Variants in ZNF423 observed in about 807,000 individuals in gnomAD.
ZNF423 encodes the protein Ebf-associated zinc finger protein.
In ZNF423, 12 loss-of-function variants were observed where a neutral mutation model predicts 95.8. The ratio of observed to expected loss-of-function variants is 0.13; its 90% CI spans 0.08 to 0.20. The LOEUF is 0.20. Ranked by LOEUF, ZNF423 falls within the 10% of genes least tolerant of loss-of-function variation. The pLI is 1.00. For missense variants in ZNF423, 1,316 were observed against 1,737.1 expected (o/e 0.76, Z 4.31); for synonymous variants, 749 against 711.9 (o/e 1.05, Z -0.83).
At chr16:49,738,824 C>T (rs1032482491) in intron 2 of ZNF423, among the ~76,000 whole-genome samples, 7 of 152,138 alleles carry the variant, frequency 4.6e-5, no homozygotes, top group African/African-American at 1.7e-4. Flanking sequence ...GACCATACCA[C>T]CCACCCCTGC....
At chr16:49,648,978 T>C (rs962275283) in intron 3 of ZNF423, among the ~76,000 whole-genome samples, 1 of 152,086 alleles carries the variant, frequency 6.6e-6, no homozygotes, top group Non-Finnish European at 1.5e-5. Flanking sequence ...AAAATACCCA[T>C]GACATACACA....
chr16:49,783,478 A>G (rs1419227668), intron 2 of ZNF423, among the ~76,000 whole-genome samples: 6 of 36,004 alleles, frequency 1.7e-4, no homozygotes, highest in East Asian at 8.8e-4. Flanking sequence ...TTAGGGTTAG[A>G]GTAGGGTTAG....
intron 2 of ZNF423, among the ~76,000 whole-genome samples, chr16:49,757,050 GT>G (rs1319370376): frequency 3.9e-5 from 6 of 152,200 alleles, no homozygotes; most frequent in African/African-American, 1.4e-4. Flanking sequence ...CTGTGCAAGT[GT>G]TTTTGTTTTT....
chr16:49,725,288 G>A (rs7404627), intron 3 of ZNF423, among the ~76,000 whole-genome samples: 96,164 of 152,002 alleles, frequency 0.63, 30,889 homozygotes, highest in Non-Finnish European at 0.67. Flanking sequence ...AGGCTGAGGC[G>A]GGAGGATCGC....
At chr16:49,586,210 G>A (rs944200298) in intron 5 of ZNF423, among the ~76,000 whole-genome samples, 1 of 152,030 alleles carries the variant, frequency 6.6e-6, no homozygotes, top group Non-Finnish European at 1.5e-5. Context: ...TCCCGCCTGC[G>A]TCGCTGACAG....
upstream of ZNF423, among the ~76,000 whole-genome samples, chr16:49,858,282 C>T (rs138219060): frequency 0.023 from 3,422 of 150,298 alleles, 134 homozygotes; most frequent in African/African-American, 0.08. This position sits in a 1 kb window ranked among gnomAD's most constrained non-coding sequence, Gnocchi z 4.3. Context: ...CCCCGCCGCT[C>T]CCCAGCCTGC....
At chr16:49,568,836 C>T (rs1353226498) in intron 5 of ZNF423, among the ~76,000 whole-genome samples, 1 of 152,124 alleles carries the variant, frequency 6.6e-6, no homozygotes, top group Non-Finnish European at 1.5e-5. Flanking sequence ...TGTCCCAGCA[C>T]ACACGGGGAG....
At chr16:49,669,810 T>C (rs1332955365) in intron 3 of ZNF423, among the ~76,000 whole-genome samples, 1 of 151,912 alleles carries the variant, frequency 6.6e-6, no homozygotes, top group Non-Finnish European at 1.5e-5. Context: ...CAGAGCCAGA[T>C]GGCCCTACAC....
intron 5 of ZNF423, among the ~76,000 whole-genome samples, chr16:49,564,938 C>T (rs2151775524): frequency 6.6e-6 from 1 of 152,276 alleles, no homozygotes; most frequent in South Asian, 2.1e-4. Flanking sequence ...TCCACGGGTC[C>T]CTCTCCCCAC....
intron 7 of ZNF423, among the ~76,000 whole-genome samples, chr16:49,506,183 G>A (rs189820410): frequency 1.3e-5 from 2 of 152,322 alleles, no homozygotes; most frequent in East Asian, 1.9e-4. Context: ...TTCTTGACAC[G>A]TACCTCACAC....
At chr16:49,526,191 C>G (rs1263885992) in intron 5 of ZNF423, among the ~76,000 whole-genome samples, 1 of 152,162 alleles carries the variant, frequency 6.6e-6, no homozygotes, top group Non-Finnish European at 1.5e-5. Flanking sequence ...CAAGAAAAGC[C>G]CTGTCAGCCC....
chr16:49,813,499 C>A (rs947264565), intron 1 of ZNF423, among the ~76,000 whole-genome samples: 8 of 152,236 alleles, frequency 5.3e-5, no homozygotes, highest in Non-Finnish European at 1.2e-4. Flanking sequence ...TCCCCTGGGC[C>A]ATGGCCCAGG....
chr16:49,757,276 C>T (rs1323851390), intron 2 of ZNF423, among the ~76,000 whole-genome samples: 1 of 152,158 alleles, frequency 6.6e-6, no homozygotes, highest in Non-Finnish European at 1.5e-5. Context: ...GTTCGTGATG[C>T]TCTTCCTGAC....
chr16:49,498,109 G>A (rs887546424), intron 7 of ZNF423, among the ~76,000 whole-genome samples: 5 of 152,190 alleles, frequency 3.3e-5, no homozygotes, highest in African/African-American at 1.2e-4. Context: ...GAATGGCACC[G>A]ATCATGATCG....
At position 49,523,607 on chromosome 16, in the gene ZNF423, C is replaced by T. The variant is rs780167797; in HGVS notation, c.3849+17G>A. On this transcript the variant is annotated intron_variant, in intron 7 of 7. Transcript: ENST00000563137. ...AGGACCATCAGGCGGCGTGGTGCAG[C>T]GGATGTGGGCACCCACCTGCAGCTC... The T allele has an allele frequency of 4.0e-5, 64 of 1,604,284 alleles. No individual in the cohort carries two copies. Among genetic ancestry groups the T allele is most frequent in the Admixed American group, 1.8e-4 (11 of 59,998 alleles).
chr16:49,675,720 C>T (rs1477810148), intron 3 of ZNF423, among the ~76,000 whole-genome samples: 1 of 152,180 alleles, frequency 6.6e-6, no homozygotes, highest in Admixed American at 6.5e-5. Flanking sequence ...AGCCTGGGAT[C>T]GATGCAGGCC....
At chr16:49,608,015 T>C (rs973977464) in intron 5 of ZNF423, among the ~76,000 whole-genome samples, 5 of 152,144 alleles carry the variant, frequency 3.3e-5, no homozygotes, top group Non-Finnish European at 5.9e-5. Flanking sequence ...TACCACCCCA[T>C]ATCTTCAACA....
At chr16:49,508,262 T>C (rs1967735004) in intron 7 of ZNF423, among the ~76,000 whole-genome samples, 1 of 152,208 alleles carries the variant, frequency 6.6e-6, no homozygotes, top group Non-Finnish European at 1.5e-5. Context: ...GGCTCATGCC[T>C]GTAATCCCAG....
intron 1 of ZNF423, among the ~76,000 whole-genome samples, chr16:49,810,801 A>G (rs151138565): frequency 6.6e-6 from 1 of 152,338 alleles, no homozygotes; most frequent in African/African-American, 2.4e-5. Flanking sequence ...CCTACCGGAC[A>G]CTTTCTGTGC....
Sources: allele counts gnomAD v4.1 joint callset (sites outside exome capture counted in the v4.1 genomes callset), GRCh38; gene constraint gnomAD v4.1.1; non-coding constraint Gnocchi (gnomAD v3.1); transcripts MANE v1.5; gene names NCBI Gene and HGNC (gene_info 2026-07-23, HGNC 2026-07-21).